Variants in MTUS2 observed in about 807,000 individuals in gnomAD.
MTUS2 encodes microtubule associated scaffold protein 2, also known as microtubule-associated tumor suppressor candidate 2.
A neutral mutation model predicts 114.1 loss-of-function variants in MTUS2; 40 were observed. The observed-to-expected ratio is 0.35, with a 90% CI of 0.27 to 0.46. The LOEUF (loss-of-function observed/expected upper bound fraction) is 0.46. Ranked by LOEUF, MTUS2 falls within the 20% of genes least tolerant of loss-of-function variation. MTUS2 has a pLI of 1.00. For missense variants in MTUS2, 1,679 were observed against 1,705.4 expected (o/e 0.98, Z 0.27); for synonymous variants, 688 against 672.0 (o/e 1.02, Z -0.37).
chr13:29,153,594 G>T (rs58698131), intron 5 of MTUS2, among the ~76,000 whole-genome samples: 1 of 152,128 alleles, frequency 6.6e-6, no homozygotes, highest in South Asian at 2.1e-4. Context: ...AGCTGTAAGA[G>T]AACCCTACTG....
At chr13:28,970,300 A>G (rs1022619343) in intron 2 of MTUS2, among the ~76,000 whole-genome samples, 3 of 152,210 alleles carry the variant, frequency 2.0e-5, no homozygotes, top group Non-Finnish European at 4.4e-5. Context: ...AATTTTTTAT[A>G]TTGTAAAACA....
At chr13:29,440,658 G>A (rs555354538) in intron 9 of MTUS2, among the ~76,000 whole-genome samples, 2 of 151,998 alleles carry the variant, frequency 1.3e-5, no homozygotes, top group East Asian at 3.9e-4. Context: ...CTTCCCTCTC[G>A]ACCATCTGTT....
intron 4 of MTUS2, among the ~76,000 whole-genome samples, chr13:29,079,576 A>G (rs537276528): frequency 1.3e-5 from 2 of 152,270 alleles, no homozygotes; most frequent in African/African-American, 4.8e-5. Context: ...TTCATTTTGA[A>G]TTTTTAAAAT....
chr13:28,823,483 A>G (rs1269451404), intron 1 of MTUS2, among the ~76,000 whole-genome samples: 1 of 152,212 alleles, frequency 6.6e-6, no homozygotes, highest in Non-Finnish European at 1.5e-5. Context: ...CCTTCCCACC[A>G]ACGGGTATAC....
At chr13:29,410,118 G>T (rs1313021327) in intron 8 of MTUS2, among the ~76,000 whole-genome samples, 4 of 98,050 alleles carry the variant, frequency 4.1e-5, no homozygotes, top group African/African-American at 1.5e-4. Flanking sequence ...CATCGAATAT[G>T]CTGTTGTACT....
chr13:29,389,559 GTA>G lies in MTUS2; in HGVS notation c.3117+30090_3117+30091del, dbSNP rs1391426005. Among the ~76,000 whole-genome samples the G allele has an allele frequency of 1.6e-4, 10 of 61,506 alleles. No homozygotes were observed. In the East Asian group the frequency reaches 2.3e-3, roughly 14 times the overall value. The allele number at this position is 61,506 out of a possible 152,430, so 40.4% of individuals were successfully genotyped here. A position where few individuals can be genotyped will look rare whatever the true frequency, so the allele number is the denominator to read the frequency against. ...CACGTGTGTATATGTATACACGTGTGTATATGTGTACATATGTGTGTATACGT... is the reference window on the plus strand; with the variant it reads ...CACGTGTGTATATGTATACACGTGTGTATGTGTACATATGTGTGTATACGT... On this transcript the variant is annotated intron_variant, in intron 8 of 15. Coordinates refer to ENST00000612955, the MANE Select transcript of MTUS2 (RefSeq NM_001033602.4).
chr13:29,090,778 A>G (rs1174372766), intron 4 of MTUS2, among the ~76,000 whole-genome samples: 1 of 152,242 alleles, frequency 6.6e-6, no homozygotes, highest in Non-Finnish European at 1.5e-5. Context: ...AAAGCCACTT[A>G]GAGGATTCTA....
In MTUS2 at chr13:29,041,505, T is replaced by C. The variant is rs183932737; in HGVS notation, c.2446+7380T>C. On this transcript the variant is annotated intron_variant, in intron 4 of 15. Transcript: ENST00000612955. Reference sequence around the variant, plus strand: ...AATGATGGTGGTATATTGATGGAAATTGCCTTGAATTTGTAGATTGCTTTT... The same window carrying C: ...AATGATGGTGGTATATTGATGGAAACTGCCTTGAATTTGTAGATTGCTTTT... 2.0e-5 allele frequency among the ~76,000 whole-genome samples: 3 copies of C among 152,278 alleles called. No homozygotes were observed. The East Asian group carries it at 5.8e-4, about 29-fold the overall frequency.
chr13:29,052,231 C>T (rs1887930849), intron 4 of MTUS2, among the ~76,000 whole-genome samples: 1 of 152,088 alleles, frequency 6.6e-6, no homozygotes, highest in Non-Finnish European at 1.5e-5. Flanking sequence ...CCTGTAATCC[C>T]AGCACTTTGG....
intron 6 of MTUS2, among the ~76,000 whole-genome samples, chr13:29,324,139 G>A (rs933267212): frequency 6.6e-6 from 1 of 152,220 alleles, no homozygotes; most frequent in African/African-American, 2.4e-5. Context: ...CCGCTGCATG[G>A]AAATTAATTA....
intron 5 of MTUS2, among the ~76,000 whole-genome samples, chr13:29,146,135 G>T (rs1892424388): frequency 6.6e-6 from 1 of 152,180 alleles, no homozygotes; most frequent in Non-Finnish European, 1.5e-5. Context: ...ATCAAATAAA[G>T]CTTTACCCTC....
chr13:29,045,567 G>A (rs1887576111), intron 4 of MTUS2, among the ~76,000 whole-genome samples: 1 of 152,160 alleles, frequency 6.6e-6, no homozygotes, highest in Non-Finnish European at 1.5e-5. Flanking sequence ...CAAGTGTAGG[G>A]TCTTGCCACC....
Position 28,935,944 on chromosome 13 carries a change from G to A in MTUS2, c.-242-88513G>A, listed in dbSNP as rs543735203. 7.9e-5 allele frequency among the ~76,000 whole-genome samples: 12 copies of A among 152,128 alleles called. No individual in the cohort carries two copies. The East Asian group carries it at 2.1e-3, about 27-fold the overall frequency. ...AAACTTTTTGTAGAGATGGGATCTC[G>A]CTCTGTTGCCCAGACTGGTCTTGAA... On this transcript the variant is annotated intron_variant, in intron 2 of 15. Transcript: ENST00000612955.
At chr13:29,077,524 T>C (rs1889246817) in intron 4 of MTUS2, among the ~76,000 whole-genome samples, 1 of 152,156 alleles carries the variant, frequency 6.6e-6, no homozygotes, top group South Asian at 2.1e-4. Context: ...CTGCTTGATG[T>C]GTTTTGCTTT....
chr13:29,442,405 A>G (rs1161909627), intron 9 of MTUS2, among the ~76,000 whole-genome samples: 1 of 152,244 alleles, frequency 6.6e-6, no homozygotes, highest in Non-Finnish European at 1.5e-5. Context: ...TTTATTCTTA[A>G]GGAACCACAA....
chr13:28,935,844 G>A (rs1248319256), intron 2 of MTUS2, among the ~76,000 whole-genome samples: 1 of 151,996 alleles, frequency 6.6e-6, no homozygotes, highest in African/African-American at 2.4e-5. Flanking sequence ...GACCTCCTGG[G>A]CTCATGATCC....
chr13:29,381,366 G>A (rs1367953499), intron 8 of MTUS2, among the ~76,000 whole-genome samples: 1 of 152,188 alleles, frequency 6.6e-6, no homozygotes, highest in Non-Finnish European at 1.5e-5. Context: ...AGTGCTTATA[G>A]CATATAGCGT....
chr13:29,495,373 A>AAT (rs1329989962), intron 12 of MTUS2, among the ~76,000 whole-genome samples: 2 of 147,714 alleles, frequency 1.4e-5, no homozygotes, highest in African/African-American at 2.5e-5. Flanking sequence ...AAAAAAAAAA[A>AAT]AAAAAAAGGA....
intron 2 of MTUS2, among the ~76,000 whole-genome samples, chr13:29,023,856 A>G (rs1886394165): frequency 6.6e-6 from 1 of 152,194 alleles, no homozygotes; most frequent in Non-Finnish European, 1.5e-5. Flanking sequence ...AGAACTAACT[A>G]ATATCAGGAG....
Sources: allele counts gnomAD v4.1 joint callset (sites outside exome capture counted in the v4.1 genomes callset), GRCh38; gene constraint gnomAD v4.1.1; transcripts MANE v1.5; gene names NCBI Gene and HGNC (gene_info 2026-07-23, HGNC 2026-07-21).